The following CTNNA3 variants were observed in gnomAD, a reference collection of about 807,000 sequenced individuals.
CTNNA3 encodes the protein catenin alpha 3, also known as catenin alpha-3.
CTNNA3 carries 76 observed loss-of-function variants against 95.7 expected under a neutral mutation model. The observed-to-expected ratio is 0.79, with a 90% confidence interval of 0.66 to 0.96. CTNNA3 has a LOEUF of 0.96. CTNNA3 is among the 40% of genes least tolerant of loss of function. The probability of loss-of-function intolerance (pLI) is 0.00; values close to 1 mark genes in which losing one functional copy is unlikely to be tolerated. For synonymous variants in CTNNA3, 431 were observed against 374.4 expected (o/e 1.15, Z -1.74); for missense variants, 1,191 against 1,089.8 (o/e 1.09, Z -1.31).
At chr10:67,464,242 C>T (rs928233599) in intron 5 of CTNNA3, among the ~76,000 whole-genome samples, 2 of 152,096 alleles carry the variant, frequency 1.3e-5, no homozygotes, top group Non-Finnish European at 2.9e-5. Context: ...TAATTCTTTT[C>T]CTCATGTTTT....
intron 12 of CTNNA3, among the ~76,000 whole-genome samples, chr10:66,343,399 A>T (rs1564883226): frequency 6.6e-6 from 1 of 152,160 alleles, no homozygotes; most frequent in Non-Finnish European, 1.5e-5. Context: ...TAGCCATAAA[A>T]AGAATGAAAT....
chr10:67,029,363 T>C (rs1853581511), intron 7 of CTNNA3, among the ~76,000 whole-genome samples: 1 of 152,186 alleles, frequency 6.6e-6, no homozygotes, highest in Non-Finnish European at 1.5e-5. Flanking sequence ...ATTTTGGAGC[T>C]GGTTCAGAGC....
At chr10:66,508,210 G>GTTTTTTTTTTTTTTTTTTTTTTTGT (rs756807793) in intron 11 of CTNNA3, among the ~76,000 whole-genome samples, 1 of 108,424 alleles carries the variant, frequency 9.2e-6, no homozygotes, top group African/African-American at 3.5e-5. Flanking sequence ...TTTGTTTTCT[G>GTTTTTTTTTTTTTTTTTTTTTTTGT]TTTTTTTTTT....
At chr10:67,285,439 G>C (rs1043141129) in intron 5 of CTNNA3, among the ~76,000 whole-genome samples, 1 of 152,134 alleles carries the variant, frequency 6.6e-6, no homozygotes. Flanking sequence ...CAATACATCA[G>C]GCACTGGGCT....
chr10:66,361,325 T>TCCTC (rs1293370938), intron 12 of CTNNA3, among the ~76,000 whole-genome samples: 2 of 109,360 alleles, frequency 1.8e-5, no homozygotes, highest in South Asian at 3.7e-4. Flanking sequence ...CCCCTCCCCT[T>TCCTC]CCTCCCTCCC....
intron 11 of CTNNA3, among the ~76,000 whole-genome samples, chr10:66,512,113 T>C (rs11596358): frequency 0.15 from 23,103 of 151,958 alleles, 1,820 homozygotes; most frequent in Non-Finnish European, 0.17. Flanking sequence ...GATTTTTTAA[T>C]CACTATATAA....
At chr10:66,125,927 C>T (rs2082810974) in intron 13 of CTNNA3, among the ~76,000 whole-genome samples, 1 of 152,092 alleles carries the variant, frequency 6.6e-6, no homozygotes. Flanking sequence ...ATGGTGGATA[C>T]ATGACATACC....
rs143872064 is a variant in CTNNA3, at chr10:67,593,330, T to C, written c.292+13527A>G. ...AATGATTTATTTTCTTTTGGATATA[T>C]ATGTAAATTGCTTTAGGCAGTATGG... On this transcript the variant is annotated intron_variant, in intron 3 of 17. Transcript: ENST00000433211. Among the ~76,000 whole-genome samples the C allele has an allele frequency of 2.0e-5, 3 of 152,288 alleles. No homozygotes were observed. In the East Asian group the frequency reaches 5.8e-4, roughly 29 times the overall value.
At chr10:67,728,086 TA>T (rs1564841938) in intron 1 of CTNNA3, among the ~76,000 whole-genome samples, 2 of 143,192 alleles carry the variant, frequency 1.4e-5, no homozygotes, top group African/African-American at 5.1e-5. Flanking sequence ...ATATATTATA[TA>T]ATATGTAATA....
intron 17 of CTNNA3, among the ~76,000 whole-genome samples, chr10:65,949,971 C>A (rs1057417064): frequency 1.1e-4 from 16 of 151,874 alleles, no homozygotes; most frequent in Non-Finnish European, 7.4e-5. Flanking sequence ...GGAAGCCCCC[C>A]ACAACAAAGA....
Position 67,606,985 on chromosome 10 carries a change from G to A in CTNNA3, c.164C>T (p.Ala55Val), listed in dbSNP as rs758513840. ...CTCCACAGAAGCTAGAAGGACACTG[G>A]CTCTTTTCGAACGTCCTTTTTTCCT... ...SSRKKGRSKR[A>V]SVLLASVEEA... The change falls in exon 3 of 18, where the codon GCC becomes GTC. Residue 55 changes from alanine (A) to valine (V), a missense_variant. By Grantham distance (64) the Ala-to-Val change is moderately conservative. Coordinates refer to ENST00000433211, the MANE Select transcript of CTNNA3 (RefSeq NM_013266.4). 1 of 1,614,006 alleles carries A rather than the reference G, an allele frequency of 6.2e-7. No individual in the cohort carries two copies. Among genetic ancestry groups the A allele is most frequent in the East Asian group, 2.2e-5 (1 of 44,882 alleles).
At chr10:66,608,775 C>A (rs749945161) in intron 10 of CTNNA3, among the ~76,000 whole-genome samples, 1 of 152,020 alleles carries the variant, frequency 6.6e-6, no homozygotes, top group Non-Finnish European at 1.5e-5. Flanking sequence ...TTACACCATA[C>A]ACAAAAATTA....
chr10:66,162,433 G>T (rs2084902396), intron 13 of CTNNA3, among the ~76,000 whole-genome samples: 1 of 152,052 alleles, frequency 6.6e-6, no homozygotes, highest in Non-Finnish European at 1.5e-5. Flanking sequence ...TTTTCCTATG[G>T]TTGTGGCTTC....
chr10:67,556,269 A>G (rs1841248167), intron 3 of CTNNA3, among the ~76,000 whole-genome samples: 1 of 152,226 alleles, frequency 6.6e-6, no homozygotes, highest in Non-Finnish European at 1.5e-5. Context: ...CTGGCCTCAT[A>G]AAATGAGTTA....
intron 7 of CTNNA3, among the ~76,000 whole-genome samples, chr10:66,799,301 GAAGTT>G (rs1381017973): frequency 6.6e-6 from 1 of 151,528 alleles, no homozygotes; most frequent in Non-Finnish European, 1.5e-5. Flanking sequence ...TCTAAATAAT[GAAGTT>G]AACGGACAAG....
rs181046337 is a variant in CTNNA3 at position 66,140,867 on chromosome 10, A to G, written c.1885-37618T>C. Among the ~76,000 whole-genome samples, 53 of 152,234 alleles carry G rather than the reference A, an allele frequency of 3.5e-4. No homozygotes were observed. In the East Asian group the frequency reaches 9.6e-3, roughly 28 times the overall value. The stretch of plus-strand genomic sequence containing the variant: ...TTAGTCTATGCTTCTTTATGTTTTT[A>G]TTTAAGAGATTTTGTCATTGTTGTT... On this transcript the variant is annotated intron_variant, in intron 13 of 17. Transcript: ENST00000433211.
intron 9 of CTNNA3, among the ~76,000 whole-genome samples, chr10:66,666,705 T>C (rs1846463439): frequency 6.6e-6 from 1 of 152,148 alleles, no homozygotes; most frequent in African/African-American, 2.4e-5. Context: ...AACAGAATTT[T>C]TCTTTCTTCT....
chr10:65,948,414 A>G (rs2077558283), intron 17 of CTNNA3, among the ~76,000 whole-genome samples: 1 of 152,276 alleles, frequency 6.6e-6, no homozygotes, highest in African/African-American at 2.4e-5. Context: ...ATCACTTTTT[A>G]AAAAACACTG....
chr10:67,723,318 G>A (rs1250493061), intron 1 of CTNNA3, among the ~76,000 whole-genome samples: 6 of 150,766 alleles, frequency 4.0e-5, no homozygotes, highest in South Asian at 4.2e-4. Context: ...TTGAGACAGG[G>A]TCTCATTCTG....
Sources: gnomAD v4.1 joint callset for allele counts (sites outside exome capture counted in the v4.1 genomes callset) on GRCh38, gnomAD v4.1.1 for gene constraint, MANE v1.5 for transcripts, NCBI Gene and HGNC (gene_info 2026-07-23, HGNC 2026-07-21) for gene names.